IPO9: variants seen among roughly 807,000 people sequenced by gnomAD.
IPO9 encodes the protein importin 9, also known as importin-9.
Under a neutral mutation model 128.6 loss-of-function variants are expected in IPO9, and 28 were observed. That is an observed-to-expected ratio of 0.22 (90% CI 0.16 to 0.30). IPO9 has a LOEUF of 0.30. Ranked by LOEUF, IPO9 falls within the 10% of genes least tolerant of loss-of-function variation. The probability of loss-of-function intolerance (pLI) is 1.00; values close to 1 mark genes in which losing one functional copy is unlikely to be tolerated. For synonymous variants in IPO9, 455 were observed against 475.8 expected (o/e 0.96, Z 0.57); for missense variants, 935 against 1,293.9 (o/e 0.72, Z 4.26).
Position 201,874,348 on chromosome 1 carries a change from G to A in IPO9, c.2809G>A (p.Ala937Thr). 2 of 1,614,040 alleles carry A rather than the reference G, an allele frequency of 1.2e-6. No homozygotes were observed. Among genetic ancestry groups the A allele is most frequent in the South Asian group, 1.1e-5 (1 of 91,074 alleles). ...NVMEANAARQATPAEWSQDDS... is the reference protein window; with the variant it reads ...NVMEANAARQTTPAEWSQDDS... ...CATGGAGGCTAATGCCGCTCGCCAG[G>A]CCACTCCTGCAGAGTGGAGTCAAGG... is the stretch of plus-strand genomic sequence containing the variant. Residue 937 changes from alanine to threonine, a missense_variant, in exon 21 of 24, where the codon GCC (alanine) becomes ACC (threonine). Ala to Thr is a moderately conservative substitution (Grantham distance 58). Transcript: ENST00000361565.
chr1:201,863,256 G>A (rs944827757), intron 13 of IPO9, 192 bp from the exon 14 acceptor site: 17 of 391,492 alleles, frequency 4.3e-5, no homozygotes, highest in Non-Finnish European at 8.0e-5. Context: ...GGAGGCTGAG[G>A]CAGGACAGTT....
At chr1:201,850,827 T>C (rs1213268246) in intron 4 of IPO9, 3 of 152,178 alleles carry the variant, frequency 2.0e-5, no homozygotes, top group Non-Finnish European at 4.4e-5. Context: ...GCTCAGACTT[T>C]ATCCTTGAGG....
chr1:201,852,344 C>T, intron 5 of IPO9, 152 bp downstream of exon 5: 1 of 544,688 alleles, frequency 1.8e-6, no homozygotes, highest in Non-Finnish European at 3.3e-6. Flanking sequence ...TAACCTTAGA[C>T]CTTTCACTCA....
In IPO9 at chr1:201,884,044, G is replaced by A. The variant is rs925668744; in HGVS notation, c.*7990G>A. On this transcript the variant is annotated 3_prime_UTR_variant, in exon 24 of 24. Coordinates refer to ENST00000361565, the MANE Select transcript of IPO9 (RefSeq NM_018085.5). ...AGGAAGCCAAGACCAGAGGGGGAGT[G>A]GTTCCTTCAAGTTTGCAGAACCAGT... 1.3e-5 allele frequency: 2 copies of A among 152,218 alleles called. No homozygotes were observed. Among genetic ancestry groups the A allele is most frequent in the Admixed American group, 6.5e-5 (1 of 15,286 alleles). The allele number at this position is 152,218 out of a possible 1,614,324, so 9.4% of individuals were successfully genotyped here.
chr1:201,846,281 C>T (rs10920264), intron 1 of IPO9, among the ~76,000 whole-genome samples: 2,085 of 152,340 alleles, frequency 0.014, 43 homozygotes, highest in African/African-American at 0.045. Context: ...CAGCTCATAA[C>T]TGGTGGCATA....
rs138931636 is a variant in IPO9 at position 201,831,609 on chromosome 1, G to C, written c.163+2237G>C. ...TTTAACAAGTTATCTTTGACATTGG[G>C]TTCAGAGTACCTCCCACCTTAAACT... On this transcript the variant is annotated intron_variant, in intron 1 of 23. Coordinates refer to ENST00000361565, the MANE Select transcript of IPO9 (RefSeq NM_018085.5). Among the ~76,000 whole-genome samples, 846 of 152,184 alleles carry C rather than the reference G, an allele frequency of 5.6e-3. 4 individuals carry two copies. The highest frequency in any genetic ancestry group is 0.018 in the African/African-American group (741 of 41,520).
At position 201,870,709 on chromosome 1, in the gene IPO9, C is replaced by G; in HGVS notation, c.2260C>G (p.Arg754Gly). The G allele has an allele frequency of 6.2e-7, 1 of 1,614,222 alleles. No homozygotes were observed. Among genetic ancestry groups the G allele is most frequent in the Non-Finnish European group, 8.5e-7 (1 of 1,180,040 alleles). The change falls in exon 18 of 24, where the codon CGC (arginine) becomes GGC (glycine). Residue 754 changes from arginine (R) to glycine (G), a missense_variant. This residue lies in a region of IPO9 where 741 missense variants were observed against 1,019.1 expected (regional missense o/e 0.73). Transcript: ENST00000361565. This position sits in a 1 kb window ranked among gnomAD's most constrained non-coding sequence, Gnocchi z 4.9. ...MQVVSQLLDP[R>G]TSEFTAAFVG... ...AGTGGTGAGCCAGCTCCTGGACCCC[C>G]GCACCTCAGAGTTCACTGCGGCCTT...
chr1:201,855,436 A>G (rs1680313556), intron 9 of IPO9, among the ~76,000 whole-genome samples: 1 of 152,180 alleles, frequency 6.6e-6, no homozygotes, highest in Non-Finnish European at 1.5e-5. Context: ...AGGCCATTTA[A>G]TCTAGCCTAC....
Position 201,876,267 on chromosome 1 carries a change from C to G in IPO9, c.*213C>G. 1 of 684,254 alleles carries G rather than the reference C, an allele frequency of 1.5e-6. No individual in the cohort carries two copies. Among genetic ancestry groups the G allele is most frequent in the South Asian group, 1.5e-5 (1 of 65,380 alleles). The allele number at this position is 684,254 out of a possible 1,614,324, so 42.4% of individuals were successfully genotyped here. Reference sequence around the variant, plus strand: ...AACAAAGGACATTTCTCAAAGTTCCCCTGAAGACATGCCATCTCTAGAACC... The same window carrying G: ...AACAAAGGACATTTCTCAAAGTTCCGCTGAAGACATGCCATCTCTAGAACC... On this transcript the variant is annotated 3_prime_UTR_variant, in exon 24 of 24. Transcript: ENST00000361565.
chr1:201,829,849 C>T (rs1679799070), intron 1 of IPO9, among the ~76,000 whole-genome samples: 1 of 152,198 alleles, frequency 6.6e-6, no homozygotes, highest in South Asian at 2.1e-4. Flanking sequence ...TGTCATCAAA[C>T]AAGTTTCTGC....
rs144727362 is a variant in IPO9, at chr1:201,872,943, C to T, written c.2692C>T (p.Arg898Cys). Residue 898 changes from arginine to cysteine, a missense_variant, in exon 20 of 24, where the codon CGC becomes TGC. Around this residue, in one of 3 missense-constraint regions of IPO9, gnomAD observed 188 missense variants for 246.7 expected, o/e 0.76. Coordinates refer to ENST00000361565, the MANE Select transcript of IPO9 (RefSeq NM_018085.5). Reference protein sequence around the residue: ...IYSMDEGIRTRSKSAKNPERW... With the variant: ...IYSMDEGIRTCSKSAKNPERW... Reference sequence around the variant, plus strand: ...CAGCATGGATGAGGGCATCCGCACCCGCTCTAAGTCAGCCAAAAGTGGGTG... The same window carrying T: ...CAGCATGGATGAGGGCATCCGCACCTGCTCTAAGTCAGCCAAAAGTGGGTG... 3.1e-6 allele frequency: 5 copies of T among 1,612,726 alleles called. No homozygotes were observed. The highest frequency in any genetic ancestry group is 1.7e-4 in the Middle Eastern group (1 of 5,918).
chr1:201,872,063 T>A (rs943889962), intron 19 of IPO9, among the ~76,000 whole-genome samples: 1 of 152,070 alleles, frequency 6.6e-6, no homozygotes, highest in Non-Finnish European at 1.5e-5. Context: ...GGTGAAACAC[T>A]GTCTCTACTA....
chr1:201,845,442 A>C (rs1168221646), intron 1 of IPO9, among the ~76,000 whole-genome samples: 2 of 152,214 alleles, frequency 1.3e-5, no homozygotes, highest in East Asian at 3.9e-4. Context: ...ACACCAATCC[A>C]TAGCTCCCTC....
chr1:201,854,547 C>A (rs1443951664), intron 6 of IPO9, 48 bp from the exon 7 acceptor site: 1 of 1,602,796 alleles, frequency 6.2e-7, no homozygotes, highest in South Asian at 1.1e-5. Flanking sequence ...TGTGTTGAAG[C>A]CATGGATTAG....
intron 6 of IPO9, 134 bp from the exon 7 acceptor site, chr1:201,854,461 A>G (rs1680291336): frequency 9.3e-7 from 1 of 1,079,118 alleles, no homozygotes; most frequent in Non-Finnish European, 1.3e-6. Flanking sequence ...TTGACTTTAT[A>G]GCTATTCTCT....
At chr1:201,834,005 T>C (rs1224196317) in intron 1 of IPO9, among the ~76,000 whole-genome samples, 1 of 152,104 alleles carries the variant, frequency 6.6e-6, no homozygotes, top group Non-Finnish European at 1.5e-5. Flanking sequence ...CAGGCTGGCC[T>C]TGAACTCCTG....
chr1:201,843,816 C>G (rs112297225), intron 1 of IPO9, among the ~76,000 whole-genome samples: 2 of 134,068 alleles, frequency 1.5e-5, no homozygotes, highest in Non-Finnish European at 3.1e-5. Flanking sequence ...TGACAGAGTG[C>G]GATTCTGTCT....
intron 10 of IPO9, 86 bp from the exon 11 acceptor site, chr1:201,857,010 A>T (rs369385271): frequency 1.1e-6 from 1 of 886,356 alleles, no homozygotes; most frequent in Admixed American, 1.7e-5. Flanking sequence ...TTTTCAGGAT[A>T]ATAGGTTGAA....
At chr1:201,836,233 A>G (rs1455006439) in intron 1 of IPO9, among the ~76,000 whole-genome samples, 1 of 151,932 alleles carries the variant, frequency 6.6e-6, no homozygotes, top group Non-Finnish European at 1.5e-5. Flanking sequence ...TTCAAAAAAT[A>G]TTGTATCTCT....
Sources: gnomAD v4.1 joint callset for allele counts (sites outside exome capture counted in the v4.1 genomes callset) on GRCh38, gnomAD v4.1.1 for gene constraint, gnomAD v4.1.1 regional missense constraint, Gnocchi (gnomAD v3.1) non-coding constraint, MANE v1.5 for transcripts, NCBI Gene and HGNC (gene_info 2026-07-23, HGNC 2026-07-21) for gene names.